SORCS3: variants seen among roughly 807,000 people sequenced by gnomAD.
The protein encoded by SORCS3 is sortilin related VPS10 domain containing receptor 3.
A neutral mutation model predicts 146.3 loss-of-function variants in SORCS3; 57 were observed. That is an observed-to-expected ratio of 0.39 (90% CI 0.31 to 0.49). The LOEUF (loss-of-function observed/expected upper bound fraction) is 0.49, where lower values mean the gene tolerates loss of function less well. Among genes scored for constraint, SORCS3 ranks in the 20% least tolerant of loss-of-function variants. SORCS3 has a pLI of 0.92. For synonymous variants in SORCS3, 653 were observed against 618.5 expected, an observed-to-expected ratio of 1.06 and a Z score of -0.83; for missense variants, 1,341 against 1,575.5, an observed-to-expected ratio of 0.85 and a Z score of 2.52.
intron 5 of SORCS3, among the ~76,000 whole-genome samples, chr10:105,051,988 G>A (rs1219343870): frequency 2.0e-5 from 3 of 152,162 alleles, no homozygotes; most frequent in Non-Finnish European, 4.4e-5. Flanking sequence ...TGGAAGAGCT[G>A]TCTTAATGCT....
intron 2 of SORCS3, among the ~76,000 whole-genome samples, chr10:104,856,664 G>C (rs1484732683): frequency 6.9e-6 from 1 of 145,512 alleles, no homozygotes; most frequent in South Asian, 2.1e-4. Context: ...ATTATTTCTT[G>C]CAGAATGTCA....
chr10:104,779,794 T>C (rs1017467324), intron 1 of SORCS3, among the ~76,000 whole-genome samples: 8 of 152,140 alleles, frequency 5.3e-5, no homozygotes, highest in African/African-American at 1.9e-4. Flanking sequence ...GGTGAGGGCC[T>C]CTTCATTCCC....
chr10:104,929,189 G>A (rs2019180862), intron 3 of SORCS3, among the ~76,000 whole-genome samples: 2 of 152,138 alleles, frequency 1.3e-5, no homozygotes, highest in African/African-American at 4.8e-5. Context: ...ATCTGTCAAT[G>A]GGGCTCACAA....
chr10:104,979,325 G>T (rs1487536487), intron 4 of SORCS3, among the ~76,000 whole-genome samples: 1 of 152,120 alleles, frequency 6.6e-6, no homozygotes, highest in East Asian at 1.9e-4. Context: ...CATTTTAGAT[G>T]ATTTCCTCTT....
chr10:104,770,513 A>G (rs1428086495), intron 1 of SORCS3, among the ~76,000 whole-genome samples: 5 of 152,114 alleles, frequency 3.3e-5, no homozygotes, highest in African/African-American at 1.2e-4. Context: ...AAAGCTTTCT[A>G]GTCATCACAT....
At chr10:105,233,395 A>G (rs997928950) in intron 20 of SORCS3, among the ~76,000 whole-genome samples, 6 of 152,148 alleles carry the variant, frequency 3.9e-5, no homozygotes, top group African/African-American at 1.4e-4. Flanking sequence ...GTCAATTGAG[A>G]ATAATACTTT....
intron 2 of SORCS3, among the ~76,000 whole-genome samples, chr10:104,849,134 G>T (rs886480076): frequency 1.3e-5 from 2 of 152,104 alleles, no homozygotes; most frequent in Non-Finnish European, 2.9e-5. Context: ...AAAACAGCCA[G>T]GCCTGGTGGC....
chr10:104,720,827 G>A (rs576947829), intron 1 of SORCS3, among the ~76,000 whole-genome samples: 130 of 152,200 alleles, frequency 8.5e-4, no homozygotes, highest in African/African-American at 2.8e-3. Flanking sequence ...GGGGTTGTTT[G>A]TTTTTTTCTT....
chr10:104,845,505 G>A (rs2018193773), intron 2 of SORCS3, among the ~76,000 whole-genome samples: 1 of 152,174 alleles, frequency 6.6e-6, no homozygotes, highest in Non-Finnish European at 1.5e-5. Context: ...AACTGTAATT[G>A]TTAATGATTG....
intron 4 of SORCS3, among the ~76,000 whole-genome samples, chr10:104,992,652 A>T (rs2055001519): frequency 6.6e-6 from 1 of 152,156 alleles, no homozygotes; most frequent in South Asian, 2.1e-4. Flanking sequence ...CCATTCACTC[A>T]TGCAACAGGA....
At chr10:105,242,675 T>C (rs1396433298) in intron 20 of SORCS3, among the ~76,000 whole-genome samples, 1 of 106,660 alleles carries the variant, frequency 9.4e-6, no homozygotes, top group Non-Finnish European at 1.6e-5. Context: ...TATATTTATA[T>C]ATATTTATAT....
At chr10:104,649,535 G>A (rs2015534230) in intron 1 of SORCS3, among the ~76,000 whole-genome samples, 1 of 152,210 alleles carries the variant, frequency 6.6e-6, no homozygotes, top group South Asian at 2.1e-4. Context: ...ACTTGCTCAA[G>A]GTTTCCCAGT....
intron 6 of SORCS3, among the ~76,000 whole-genome samples, chr10:105,092,641 C>G (rs1194260255): frequency 8.3e-6 from 1 of 120,664 alleles, no homozygotes; most frequent in Non-Finnish European, 1.9e-5. Flanking sequence ...ACACACACAT[C>G]TCTACCATCA....
chr10:105,108,482 T>C (rs996714596), intron 7 of SORCS3, among the ~76,000 whole-genome samples: 5 of 152,236 alleles, frequency 3.3e-5, no homozygotes, highest in African/African-American at 1.2e-4. Flanking sequence ...TAAGTATTGA[T>C]AGAAAAGAGA....
At chr10:105,110,414 A>G (rs912298662) in intron 7 of SORCS3, among the ~76,000 whole-genome samples, 8 of 151,224 alleles carry the variant, frequency 5.3e-5, no homozygotes, top group Non-Finnish European at 1.2e-4. Context: ...TCTGTCTTTT[A>G]TTTTCCTATA....
intron 10 of SORCS3, 149 bp downstream of exon 10, chr10:105,157,433 A>G (rs977306664): frequency 1.1e-6 from 1 of 872,382 alleles, no homozygotes; most frequent in Non-Finnish European, 1.7e-6. Context: ...TGGTGTGTGG[A>G]CTCAGAGTGC....
At chr10:104,990,491 G>T (rs1032331648) in intron 4 of SORCS3, among the ~76,000 whole-genome samples, 2 of 152,082 alleles carry the variant, frequency 1.3e-5, no homozygotes, top group Non-Finnish European at 2.9e-5. Flanking sequence ...CGGAAGATTT[G>T]TGAGGTCAAG....
intron 1 of SORCS3, among the ~76,000 whole-genome samples, chr10:104,841,741 G>C (rs2018142435): frequency 6.6e-6 from 1 of 152,154 alleles, no homozygotes; most frequent in Admixed American, 6.5e-5. Flanking sequence ...ATCTCGGAAA[G>C]AATTTAATGG....
At chr10:105,077,919 G>C (rs1277513388) in intron 5 of SORCS3, among the ~76,000 whole-genome samples, 17 of 152,184 alleles carry the variant, frequency 1.1e-4, no homozygotes, top group Admixed American at 1.1e-3. Context: ...GACAGAGGCA[G>C]GGGGAATATC....
Sources: gnomAD v4.1 joint callset for allele counts (sites outside exome capture counted in the v4.1 genomes callset) on GRCh38, gnomAD v4.1.1 for gene constraint, MANE v1.5 for transcripts, NCBI Gene and HGNC (gene_info 2026-07-23, HGNC 2026-07-21) for gene names.